The following GID4 variants were observed in gnomAD, a reference collection of about 807,000 sequenced individuals.
GID4 encodes the protein glucose-induced degradation protein 4 homolog.
A neutral mutation model predicts 32.4 loss-of-function variants in GID4; 7 were observed. That is an observed-to-expected ratio of 0.22 (90% CI 0.12 to 0.41). The LOEUF is 0.41. Among genes scored for constraint, GID4 ranks in the 10% least tolerant of loss-of-function variants. GID4 has a pLI of 1.00. For missense variants in GID4, 309 were observed against 400.0 expected (o/e 0.77, Z 1.94); for synonymous variants, 166 against 170.0 (o/e 0.98, Z 0.18).
chr17:18,052,082 A>G (rs976647716), intron 2 of GID4, among the ~76,000 whole-genome samples: 2 of 27,704 alleles, frequency 7.2e-5, no homozygotes, highest in Non-Finnish European at 2.8e-4. Flanking sequence ...CCTCCCCCCA[A>G]AAAAAAAAAA....
rs562063842 is a variant in GID4, at chr17:18,062,171, A to G, written c.839+196A>G. On this transcript the variant is annotated intron_variant, in intron 5 of 5. Coordinates refer to ENST00000268719, the MANE Select transcript of GID4 (RefSeq NM_024052.5). The stretch of plus-strand genomic sequence containing the variant: ...TATCCCTATGCACAGAGCAGAGTAA[A>G]TGAGATGAAAATGAATTATAGGTGA... 3 of 494,764 alleles carry G rather than the reference A, an allele frequency of 6.1e-6. No homozygotes were observed. The Admixed American group carries it at 9.6e-5, about 16-fold the overall frequency. The allele number at this position is 494,764 out of a possible 1,614,324, so 30.6% of individuals were successfully genotyped here.
At chr17:18,059,044 C>CT in intron 4 of GID4, 75 bp downstream of exon 4, 1 of 805,304 alleles carries the variant, frequency 1.2e-6, no homozygotes, top group South Asian at 1.5e-5. Context: ...TTCACTCTAA[C>CT]CAAGGGCTCC....
intron 3 of GID4, among the ~76,000 whole-genome samples, chr17:18,054,442 T>G (rs2044945031): frequency 6.6e-6 from 1 of 152,160 alleles, no homozygotes; most frequent in Admixed American, 6.6e-5. Context: ...TAGCAAATGG[T>G]TGTCTGATGA....
intron 4 of GID4, among the ~76,000 whole-genome samples, chr17:18,060,400 C>CAAAAAAAAA: frequency 2.2e-5 from 1 of 45,672 alleles, no homozygotes; most frequent in Non-Finnish European, 4.6e-5. Flanking sequence ...TCTGTCTCAC[C>CAAAAAAAAA]AAAAAAAAAA....
At position 18,051,653 on chromosome 17, in the gene GID4, C is replaced by T. The variant is rs10468466; in HGVS notation, c.499-2474C>T. On this transcript the variant is annotated intron_variant, in intron 2 of 5. Transcript: ENST00000268719. ...TTGTACCACTGCACACCAGCCTGGG[C>T]GACAGAGCGAGACTCCATCTCAAAA... Among the ~76,000 whole-genome samples the T allele has an allele frequency of 5.9e-3, 888 of 149,766 alleles. 9 individuals carry two copies. The highest frequency in any genetic ancestry group is 9.2e-3 in the Non-Finnish European group (625 of 67,626).
At position 18,066,451 on chromosome 17, in the gene GID4, AGTGT is replaced by A. The variant is rs10648639; in HGVS notation, c.*1239_*1242del. 0.03 allele frequency: 4,456 copies of A among 146,648 alleles called. 137 individuals are homozygous for A. Among genetic ancestry groups the A allele is most frequent in the African/African-American group, 0.079 (3,123 of 39,780 alleles). 9.1% of individuals were successfully genotyped at this position (146,648 alleles called of 1,614,324 possible). A position where few individuals can be genotyped will look rare whatever the true frequency, so the allele number is the denominator to read the frequency against. ...AAATAACTCGAGGCTCACGTGCCAA[AGTGT>A]GTGTGTGTGTGTGTGTGTGTGTGTG... On this transcript the variant is annotated 3_prime_UTR_variant, in exon 6 of 6. Transcript: ENST00000268719.
At chr17:18,046,018 T>C (rs1481601107) in intron 2 of GID4, among the ~76,000 whole-genome samples, 1 of 152,212 alleles carries the variant, frequency 6.6e-6, no homozygotes, top group East Asian at 1.9e-4. Flanking sequence ...CCTGGGACTT[T>C]AGAAAGCAAG....
chr17:18,039,890 G>T lies in GID4; in HGVS notation c.426G>T (p.Glu142Asp). 6.9e-7 allele frequency: 1 copy of T among 1,459,796 alleles called. No homozygotes were observed. The highest frequency in any genetic ancestry group is 2.2e-5 in the Admixed American group (1 of 45,736). 90.4% of individuals were successfully genotyped at this position (1,459,796 alleles called of 1,614,324 possible). ...QKSKGNSYDV[E>D]VVLQHVDTGN... ...GCAAGGGGAACTCGTACGACGTAGA[G>T]GTGGTGCTGCAGGTGAGCGCCGGGC... The change falls in exon 1 of 6, where the codon GAG becomes GAT. Residue 142 changes from glutamate (E) to aspartate (D), a missense_variant. Coordinates refer to ENST00000268719, the MANE Select transcript of GID4 (RefSeq NM_024052.5). This position sits in a 1 kb window ranked among gnomAD's most constrained non-coding sequence, Gnocchi z 5.3.
Position 18,050,554 on chromosome 17 carries a change from G to A in GID4, c.499-3573G>A, listed in dbSNP as rs77570395. The stretch of plus-strand genomic sequence containing the variant: ...GGTTGGAAGCTCCAGCTGAAGTTGT[G>A]CTAGACTTGTGCTTAACTAGGGAGA... On this transcript the variant is annotated intron_variant, in intron 2 of 5. Transcript: ENST00000268719. Among the ~76,000 whole-genome samples the A allele has an allele frequency of 4.8e-3, 729 of 152,290 alleles. 6 individuals are homozygous for A. The highest frequency in any genetic ancestry group is 0.017 in the African/African-American group (704 of 41,552).
chr17:18,062,892 G>A (rs577818187), intron 5 of GID4, among the ~76,000 whole-genome samples: 25 of 150,918 alleles, frequency 1.7e-4, no homozygotes, highest in African/African-American at 5.9e-4. Flanking sequence ...TGGCTAACAC[G>A]GTGAAACCCC....
At chr17:18,046,097 C>T (rs1290660391) in intron 2 of GID4, among the ~76,000 whole-genome samples, 6 of 152,146 alleles carry the variant, frequency 3.9e-5, no homozygotes, top group African/African-American at 9.7e-5. Flanking sequence ...ACTGGCCCTC[C>T]GAATGCTGGG....
rs11287932 is a variant in GID4, at chr17:18,052,080, C to CA, written c.499-2031dup. ...CAGAGCAAGACTCTGTCCCTCCCCC[C>CA]AAAAAAAAAAAAAAAAGTTAGCTTA... On this transcript the variant is annotated intron_variant, in intron 2 of 5. Coordinates refer to ENST00000268719, the MANE Select transcript of GID4 (RefSeq NM_024052.5). 2.1e-3 allele frequency among the ~76,000 whole-genome samples: 273 copies of CA among 128,084 alleles called. 3 individuals carry two copies. Among genetic ancestry groups the CA allele is most frequent in the South Asian group, 8.3e-3 (32 of 3,866 alleles). The allele number at this position is 128,084 out of a possible 152,430, so 84.0% of individuals were successfully genotyped here.
rs2044902118 is a variant in GID4, at chr17:18,050,793, G to C, written c.499-3334G>C. On this transcript the variant is annotated intron_variant, in intron 2 of 5. Coordinates refer to ENST00000268719, the MANE Select transcript of GID4 (RefSeq NM_024052.5). ...GGAGGATTAGTTGGGGGACTTAAAT[G>C]TCTGACAACAGCCAGACCCACCAAG... Among the ~76,000 whole-genome samples, 2 of 152,302 alleles carry C rather than the reference G, an allele frequency of 1.3e-5. 1 individual carries two copies. Among genetic ancestry groups the C allele is most frequent in the Admixed American group, 1.3e-4 (2 of 15,304 alleles).
At chr17:18,056,787 T>A (rs1030843118) in intron 3 of GID4, 2 of 1,550,634 alleles carry the variant, frequency 1.3e-6, no homozygotes, top group Non-Finnish European at 1.7e-6. Flanking sequence ...AAGGCCACCC[T>A]TGGTACTGGC....
intron 1 of GID4, among the ~76,000 whole-genome samples, chr17:18,042,563 T>C (rs967900259): frequency 1.3e-5 from 2 of 152,256 alleles, no homozygotes; most frequent in Non-Finnish European, 2.9e-5. Flanking sequence ...CAGTGATCAG[T>C]TGATGGACAT....
At chr17:18,056,930 TGGGACTC>T in intron 3 of GID4, 1 of 1,550,632 alleles carries the variant, frequency 6.4e-7, no homozygotes, top group Non-Finnish European at 8.7e-7. Flanking sequence ...GGTTCCCACG[TGGGACTC>T]CTGGAGCTCT....
chr17:18,065,113 T>C, intron 5 of GID4, 67 bp from the exon 6 acceptor site: 2 of 1,137,830 alleles, frequency 1.8e-6, no homozygotes, highest in Non-Finnish European at 2.7e-6. Flanking sequence ...TTTGAGGGGT[T>C]ACTAATGTCC....
chr17:18,039,412 G>T lies in GID4; in HGVS notation c.-53G>T, dbSNP rs997234849. 1.6e-6 allele frequency: 2 copies of T among 1,251,858 alleles called. No individual in the cohort carries two copies. Among genetic ancestry groups the T allele is most frequent in the African/African-American group, 3.0e-5 (2 of 66,030 alleles). 77.5% of individuals were successfully genotyped at this position (1,251,858 alleles called of 1,614,324 possible). On this transcript the variant is annotated 5_prime_UTR_variant, in exon 1 of 6. Transcript: ENST00000268719. The surrounding 1 kb of genome is among the most constrained non-coding windows in gnomAD (Gnocchi z 5.3). ...GCCAATCGGAAGGGGCGGGGTGTGTGTGTGTCTGTGTGTGTTTGTGTGTTG... is the reference window on the plus strand; with the variant it reads ...GCCAATCGGAAGGGGCGGGGTGTGTTTGTGTCTGTGTGTGTTTGTGTGTTG...
intron 2 of GID4, among the ~76,000 whole-genome samples, chr17:18,050,797 G>T (rs560559227): frequency 4.1e-4 from 63 of 152,302 alleles, no homozygotes; most frequent in South Asian, 1.5e-3. Flanking sequence ...TTAAATGTCT[G>T]ACAACAGCCA....
Sources: allele counts gnomAD v4.1 joint callset (sites outside exome capture counted in the v4.1 genomes callset), GRCh38; gene constraint gnomAD v4.1.1; non-coding constraint Gnocchi (gnomAD v3.1); transcripts MANE v1.5; gene names NCBI Gene and HGNC (gene_info 2026-07-23, HGNC 2026-07-21).